Variants in KCNN2 observed in about 807,000 individuals in gnomAD.
The protein encoded by KCNN2 is potassium calcium-activated channel subfamily N member 2, also known as small conductance calcium-activated potassium channel protein 2.
A neutral mutation model predicts 55.5 loss-of-function variants in KCNN2; 24 were observed. That is an observed-to-expected ratio of 0.43 (90% confidence interval 0.31 to 0.61). The LOEUF (loss-of-function observed/expected upper bound fraction) is 0.61. Among genes scored for constraint, KCNN2 ranks in the 20% least tolerant of loss-of-function variants. The pLI, the probability that KCNN2 is intolerant of heterozygous loss-of-function variation, is 0.08. For missense variants in KCNN2, 754 were observed against 853.6 expected, an observed-to-expected ratio of 0.88 and a Z score of 1.45; for synonymous variants, 431 against 336.1, an observed-to-expected ratio of 1.28 and a Z score of -3.09.
intron 2 of KCNN2, among the ~76,000 whole-genome samples, chr5:114,365,393 T>C (rs186979875): frequency 1.5e-3 from 233 of 152,358 alleles, no homozygotes; most frequent in Non-Finnish European, 2.5e-3. Context: ...TTTGAGATTA[T>C]TTTGAACATT....
chr5:114,365,004 T>C (rs1757558980), intron 2 of KCNN2, among the ~76,000 whole-genome samples: 2 of 152,014 alleles, frequency 1.3e-5, no homozygotes, highest in Admixed American at 6.6e-5. Flanking sequence ...TGCCTTTCAA[T>C]TTAAAATCTT....
intron 1 of KCNN2, among the ~76,000 whole-genome samples, chr5:114,106,877 A>G (rs907603147): frequency 2.6e-5 from 4 of 151,980 alleles, no homozygotes; most frequent in African/African-American, 9.7e-5. Flanking sequence ...TTAATTTTTA[A>G]TGAGGTCCAA....
intron 2 of KCNN2, among the ~76,000 whole-genome samples, chr5:114,247,202 CAAAAAAAAAAAA>C (rs370172975): frequency 5.9e-5 from 4 of 68,096 alleles, no homozygotes; most frequent in Admixed American, 1.9e-4. Context: ...CATATGTCTC[CAAAAAAAAAAAA>C]AAAAAAAAAG....
chr5:114,331,755 T>C (rs938613971), intron 2 of KCNN2, among the ~76,000 whole-genome samples: 1 of 152,332 alleles, frequency 6.6e-6, no homozygotes, highest in African/African-American at 2.4e-5. Flanking sequence ...ATTATAAATA[T>C]ATCTGTAAGT....
chr5:114,103,227 G>T (rs565679677), intron 1 of KCNN2, among the ~76,000 whole-genome samples: 15 of 152,138 alleles, frequency 9.9e-5, no homozygotes, highest in Middle Eastern at 3.4e-3. Flanking sequence ...CTCATGATTT[G>T]GTTCTCTGTC....
chr5:114,088,946 T>A (rs970136749), intron 1 of KCNN2, among the ~76,000 whole-genome samples: 2 of 152,324 alleles, frequency 1.3e-5, no homozygotes, highest in Non-Finnish European at 2.9e-5. Context: ...AATATTGTAA[T>A]ATCAGTTTTA....
At chr5:114,269,316 T>G (rs1755273466) in intron 2 of KCNN2, among the ~76,000 whole-genome samples, 1 of 152,204 alleles carries the variant, frequency 6.6e-6, no homozygotes, top group South Asian at 2.1e-4. Context: ...TGGCTTGATA[T>G]AAGTTTCACT....
intron 1 of KCNN2, among the ~76,000 whole-genome samples, chr5:114,216,058 A>C (rs1219921753): frequency 6.6e-6 from 1 of 152,168 alleles, no homozygotes; most frequent in Non-Finnish European, 1.5e-5. Flanking sequence ...TTCATCTGGT[A>C]AATTTACTTC....
intron 3 of KCNN2, among the ~76,000 whole-genome samples, chr5:114,441,693 G>A (rs1025404923): frequency 1.3e-5 from 2 of 151,940 alleles, no homozygotes; most frequent in Admixed American, 1.3e-4. Context: ...CATGTAATTT[G>A]GTTTCTGTTT....
intron 2 of KCNN2, among the ~76,000 whole-genome samples, chr5:114,279,739 G>A (rs1393736676): frequency 1.3e-5 from 2 of 152,056 alleles, no homozygotes; most frequent in Non-Finnish European, 2.9e-5. Flanking sequence ...TTGCTATTGT[G>A]AATAGTGCCG....
chr5:114,168,546 T>TAA (rs1184662933), intron 1 of KCNN2, among the ~76,000 whole-genome samples: 4 of 152,118 alleles, frequency 2.6e-5, no homozygotes, highest in African/African-American at 9.7e-5. Flanking sequence ...TCATTTGCAG[T>TAA]AAATTTTGTT....
At chr5:114,391,511 G>C (rs1188912959) in intron 2 of KCNN2, among the ~76,000 whole-genome samples, 1 of 152,004 alleles carries the variant, frequency 6.6e-6, no homozygotes, top group Non-Finnish European at 1.5e-5. Flanking sequence ...TTGTGTGTGT[G>C]TGTTTCCTGT....
chr5:114,085,534 C>A (rs1028234832), intron 1 of KCNN2, among the ~76,000 whole-genome samples: 17 of 151,778 alleles, frequency 1.1e-4, no homozygotes, highest in African/African-American at 3.9e-4. Flanking sequence ...TGTATATAAC[C>A]TTATATCTAC....
chr5:114,328,396 G>C (rs1049885155), intron 2 of KCNN2, among the ~76,000 whole-genome samples: 3 of 152,130 alleles, frequency 2.0e-5, no homozygotes, highest in African/African-American at 7.2e-5. Context: ...CAAGAGAAGA[G>C]AAGGCATAGC....
At chr5:114,286,889 G>T (rs932923181) in intron 2 of KCNN2, among the ~76,000 whole-genome samples, 1 of 152,182 alleles carries the variant, frequency 6.6e-6, no homozygotes, top group East Asian at 1.9e-4. Context: ...TATCATGACG[G>T]AAGTGTCTAT....
intron 1 of KCNN2, among the ~76,000 whole-genome samples, chr5:114,069,824 C>T (rs1056581417): frequency 6.6e-6 from 1 of 152,150 alleles, no homozygotes; most frequent in Non-Finnish European, 1.5e-5. Flanking sequence ...TAGTTAATCT[C>T]AGCTAAAGGT....
intron 2 of KCNN2, among the ~76,000 whole-genome samples, chr5:114,241,288 A>G (rs1370094257): frequency 1.3e-5 from 2 of 151,936 alleles, no homozygotes; most frequent in Admixed American, 1.3e-4. Flanking sequence ...TAGATTTGGA[A>G]TAGGTAAAAT....
intron 2 of KCNN2, among the ~76,000 whole-genome samples, chr5:114,250,323 A>C (rs996968618): frequency 6.6e-6 from 1 of 152,190 alleles, no homozygotes; most frequent in Non-Finnish European, 1.5e-5. Flanking sequence ...GGAACTTGAC[A>C]GAGCTTCTTC....
At chr5:114,340,429 T>C (rs1756995158) in intron 2 of KCNN2, among the ~76,000 whole-genome samples, 1 of 152,146 alleles carries the variant, frequency 6.6e-6, no homozygotes, top group African/African-American at 2.4e-5. Context: ...TTTATATATA[T>C]ACATTCACAC....
Sources: allele counts gnomAD v4.1 joint callset (sites outside exome capture counted in the v4.1 genomes callset), GRCh38; gene constraint gnomAD v4.1.1; transcripts MANE v1.5; gene names NCBI Gene and HGNC (gene_info 2026-07-23, HGNC 2026-07-21).